NEBL: variants seen among roughly 807,000 people sequenced by gnomAD.
NEBL encodes the protein nebulette.
NEBL carries 122 observed loss-of-function variants against 140.2 expected under a neutral mutation model. The observed-to-expected ratio is 0.87, with a 90% confidence interval of 0.75 to 1.01. The LOEUF is 1.01. Ranked by LOEUF, NEBL falls within the 50% of genes least tolerant of loss-of-function variation. The pLI is 0.00. For synonymous variants in NEBL, 436 were observed against 398.9 expected (o/e 1.09, Z -1.11); for missense variants, 1,365 against 1,231.3 (o/e 1.11, Z -1.62).
chr10:21,262,401 G>A (rs1032881377), intron 1 of NEBL, among the ~76,000 whole-genome samples: 1 of 152,212 alleles, frequency 6.6e-6, no homozygotes, highest in African/African-American at 2.4e-5. Context: ...CGGCTAGGGG[G>A]ACCCAAGCTG....
chr10:21,149,818 A>G (rs1322451787), intron 2 of NEBL, among the ~76,000 whole-genome samples: 1 of 152,148 alleles, frequency 6.6e-6, no homozygotes, highest in Non-Finnish European at 1.5e-5. Flanking sequence ...ATCTGGTGCT[A>G]TGTCCAGGTA....
At chr10:21,206,396 G>C (rs907637015) in intron 3 of NEBL, among the ~76,000 whole-genome samples, 6 of 152,222 alleles carry the variant, frequency 3.9e-5, no homozygotes, top group African/African-American at 1.4e-4. Context: ...TGAAAATTCA[G>C]AAGTCGTTCC....
intron 4 of NEBL, among the ~76,000 whole-genome samples, chr10:20,960,573 T>A (rs1836004354): frequency 6.6e-6 from 1 of 152,132 alleles, no homozygotes; most frequent in South Asian, 2.1e-4. Context: ...ATTCTGTTTT[T>A]GAACTTTAGA....
intron 4 of NEBL, among the ~76,000 whole-genome samples, chr10:20,912,881 C>CTT (rs397847147): frequency 0.012 from 1,356 of 117,820 alleles, 36 homozygotes; most frequent in African/African-American, 0.038. Flanking sequence ...TATGCCAATT[C>CTT]TTTTTTTTTT....
chr10:21,137,418 T>G (rs1237227141), intron 2 of NEBL, among the ~76,000 whole-genome samples: 3 of 152,212 alleles, frequency 2.0e-5, no homozygotes, highest in Non-Finnish European at 4.4e-5. Flanking sequence ...TTTATAACTC[T>G]GAAAAACTGA....
intron 2 of NEBL, among the ~76,000 whole-genome samples, chr10:21,167,313 T>C (rs1053220245): frequency 6.6e-6 from 1 of 152,254 alleles, no homozygotes; most frequent in Non-Finnish European, 1.5e-5. Flanking sequence ...CTTCACTGGA[T>C]ACTTCTGTTC....
intron 4 of NEBL, among the ~76,000 whole-genome samples, chr10:20,881,209 G>A (rs1276857759): frequency 6.6e-6 from 1 of 152,112 alleles, no homozygotes; most frequent in African/African-American, 2.4e-5. Context: ...AGAGCTTTCT[G>A]GGATATAGAT....
chr10:20,863,997 G>C (rs985608450), intron 7 of NEBL, among the ~76,000 whole-genome samples: 7 of 152,084 alleles, frequency 4.6e-5, no homozygotes, highest in African/African-American at 1.7e-4. Context: ...TGCAATTTAA[G>C]GCCACTGCTT....
intron 3 of NEBL, among the ~76,000 whole-genome samples, chr10:20,974,097 A>C (rs574334905): frequency 6.6e-6 from 1 of 152,328 alleles, no homozygotes; most frequent in Non-Finnish European, 1.5e-5. Flanking sequence ...TAGTGGTTAC[A>C]ACCCAGGACC....
chr10:21,233,958 G>A (rs556157654), intron 3 of NEBL, among the ~76,000 whole-genome samples: 45 of 138,536 alleles, frequency 3.2e-4, no homozygotes, highest in African/African-American at 1.1e-3. Flanking sequence ...ATGTGCGTTA[G>A]TATAGATGCA....
chr10:21,253,328 G>A (rs1391773608), intron 1 of NEBL, among the ~76,000 whole-genome samples: 1 of 152,114 alleles, frequency 6.6e-6, no homozygotes, highest in Non-Finnish European at 1.5e-5. Flanking sequence ...GTGTTGAGAA[G>A]AAACAGGGGC....
rs768031909 is a variant in NEBL at position 20,896,941 on chromosome 10, T to A, written c.153+17A>T. The A allele has an allele frequency of 3.7e-6, 6 of 1,611,440 alleles. No homozygotes were observed. Among genetic ancestry groups the A allele is most frequent in the Non-Finnish European group, 5.1e-6 (6 of 1,177,800 alleles). On this transcript the variant is annotated intron_variant, in intron 2 of 27. Transcript: ENST00000377122. ...GGTGCAATGCAAAATAAGACAAAAA[T>A]TACTCCAGCCACTTACATCGCTAAT...
At chr10:21,131,174 G>T in intron 2 of NEBL, among the ~76,000 whole-genome samples, 1 of 152,130 alleles carries the variant, frequency 6.6e-6, no homozygotes, top group East Asian at 1.9e-4. Context: ...GACACAATCT[G>T]CCAAAACTCA....
chr10:21,185,934 G>A (rs1841462467), intron 3 of NEBL, among the ~76,000 whole-genome samples: 1 of 152,134 alleles, frequency 6.6e-6, no homozygotes, highest in South Asian at 2.1e-4. Context: ...TGAGAACAGG[G>A]ATTTCAGTTA....
chr10:21,243,916 C>CGAAAGG (rs200622049), intron 3 of NEBL, among the ~76,000 whole-genome samples: 23 of 108,586 alleles, frequency 2.1e-4, no homozygotes, highest in East Asian at 1.0e-3. Flanking sequence ...GGAAGGAAGG[C>CGAAAGG]GAAAGGGAAA....
intron 4 of NEBL, among the ~76,000 whole-genome samples, chr10:20,903,736 G>A (rs1237403480): frequency 6.8e-6 from 1 of 146,140 alleles, no homozygotes; most frequent in Non-Finnish European, 1.5e-5. Flanking sequence ...GGAGATGGAG[G>A]CCATTATTCT....
At chr10:21,291,787 C>T (rs1264500443) in intron 1 of NEBL, among the ~76,000 whole-genome samples, 1 of 151,750 alleles carries the variant, frequency 6.6e-6, no homozygotes, top group Non-Finnish European at 1.5e-5. Context: ...TGGTGGTGGA[C>T]GCCTGTAATC....
chr10:21,119,897 T>C (rs1275058926), intron 2 of NEBL, among the ~76,000 whole-genome samples: 4 of 152,076 alleles, frequency 2.6e-5, no homozygotes, highest in Non-Finnish European at 5.9e-5. Flanking sequence ...CTCCCCAGCC[T>C]TTCTGGTCTA....
intron 3 of NEBL, among the ~76,000 whole-genome samples, chr10:20,992,117 T>A (rs1445666327): frequency 6.6e-6 from 1 of 152,208 alleles, no homozygotes; most frequent in East Asian, 1.9e-4. Context: ...AATCCTTATG[T>A]TTTTAAAAGT....
Sources: gnomAD v4.1 joint callset for allele counts (sites outside exome capture counted in the v4.1 genomes callset) on GRCh38, gnomAD v4.1.1 for gene constraint, MANE v1.5 for transcripts, NCBI Gene and HGNC (gene_info 2026-07-23, HGNC 2026-07-21) for gene names.